The following GLRA1 variants were observed in gnomAD, a reference collection of about 807,000 sequenced individuals.
The protein encoded by GLRA1 is glycine receptor alpha 1.
GLRA1 carries 37 observed loss-of-function variants against 48.3 expected under a neutral mutation model. The observed-to-expected ratio is 0.77, with a 90% CI of 0.59 to 1.01. The LOEUF (loss-of-function observed/expected upper bound fraction) is 1.01. Among genes scored for constraint, GLRA1 ranks in the 50% least tolerant of loss-of-function variants. The pLI is 0.00. For synonymous variants in GLRA1, 196 were observed against 210.7 expected (o/e 0.93, Z 0.60); for missense variants, 427 against 571.0 (o/e 0.75, Z 2.57).
At chr5:151,856,535 G>A (rs1753048701) in intron 4 of GLRA1, 152 bp from the exon 5 acceptor site, 1 of 619,218 alleles carries the variant, frequency 1.6e-6, no homozygotes, top group Non-Finnish European at 3.1e-6. Flanking sequence ...ATTTATTTTT[G>A]AGAGATGAGA....
rs573562475 is a variant in GLRA1 at position 151,838,471 on chromosome 5, A to G, written c.913-9404T>C. On this transcript the variant is annotated intron_variant, in intron 7 of 8. Transcript: ENST00000274576. ...GCAACAGAGTGAGAGTCCTTCTCAA[A>G]AAAAGAAATGATAAAGAAGAACCAA... Among the ~76,000 whole-genome samples the G allele has an allele frequency of 3.3e-5, 5 of 152,318 alleles. No individual in the cohort carries two copies. The East Asian group carries it at 9.6e-4, about 29-fold the overall frequency.
chr5:151,917,560 C>A (rs1315661230), intron 1 of GLRA1, among the ~76,000 whole-genome samples: 2 of 152,174 alleles, frequency 1.3e-5, no homozygotes, highest in African/African-American at 4.8e-5. Flanking sequence ...CATAAACTAT[C>A]AATCACCCCC....
intron 6 of GLRA1, among the ~76,000 whole-genome samples, chr5:151,851,992 C>T (rs1032160160): frequency 5.3e-5 from 8 of 152,126 alleles, no homozygotes; most frequent in African/African-American, 1.9e-4. Flanking sequence ...TACCTTTCTG[C>T]CAGTTATCTT....
At chr5:151,899,053 G>C (rs1330566651) in intron 1 of GLRA1, among the ~76,000 whole-genome samples, 1 of 152,136 alleles carries the variant, frequency 6.6e-6, no homozygotes, top group African/African-American at 2.4e-5. Context: ...GGAGAGAAGA[G>C]AATGGGAAAT....
chr5:151,882,527 A>T (rs991456450), intron 3 of GLRA1, among the ~76,000 whole-genome samples: 2 of 152,228 alleles, frequency 1.3e-5, no homozygotes, highest in African/African-American at 4.8e-5. Context: ...AGAGTCGTCC[A>T]AAAGTTTTGG....
At chr5:151,871,605 G>C (rs1475938164) in intron 3 of GLRA1, among the ~76,000 whole-genome samples, 2 of 147,122 alleles carry the variant, frequency 1.4e-5, no homozygotes, top group African/African-American at 5.3e-5. Context: ...CTGTCGCCCA[G>C]GCTGGAGTGC....
chr5:151,830,229 T>G (rs1174247248), intron 7 of GLRA1, among the ~76,000 whole-genome samples: 2 of 152,372 alleles, frequency 1.3e-5, no homozygotes, highest in Non-Finnish European at 2.9e-5. Context: ...TCATTTGATA[T>G]ATCTCATGGT....
intron 3 of GLRA1, among the ~76,000 whole-genome samples, chr5:151,867,532 G>A (rs1753368327): frequency 6.6e-6 from 1 of 152,160 alleles, no homozygotes; most frequent in Non-Finnish European, 1.5e-5. Flanking sequence ...ACCATTAGCA[G>A]CATAAATAAT....
chr5:151,889,862 C>CAG (rs1420933128), intron 2 of GLRA1, among the ~76,000 whole-genome samples: 2 of 152,074 alleles, frequency 1.3e-5, no homozygotes, highest in African/African-American at 4.8e-5. Context: ...GAAAACTTCT[C>CAG]AGCTCCTGCG....
At chr5:151,855,923 C>T (rs1024963164) in intron 5 of GLRA1, among the ~76,000 whole-genome samples, 1 of 152,228 alleles carries the variant, frequency 6.6e-6, no homozygotes, top group African/African-American at 2.4e-5. Context: ...TAACAACACA[C>T]CAATCACTTG....
intron 3 of GLRA1, among the ~76,000 whole-genome samples, chr5:151,865,907 T>C (rs1290128849): frequency 6.6e-6 from 1 of 152,178 alleles, no homozygotes; most frequent in Admixed American, 6.5e-5. Context: ...CAGTGAGAAA[T>C]GCAGTTCAGA....
intron 7 of GLRA1, among the ~76,000 whole-genome samples, chr5:151,843,256 A>ATTTTTTT (rs34491994): frequency 1.7e-5 from 2 of 120,770 alleles, no homozygotes; most frequent in African/African-American, 3.0e-5. Context: ...CTGCTTCTAA[A>ATTTTTTT]TTTTTTTTTT....
chr5:151,848,961 T>C, intron 7 of GLRA1: 1 of 717,368 alleles, frequency 1.4e-6, no homozygotes, highest in South Asian at 1.4e-5. Flanking sequence ...GGTGAGAAAG[T>C]CCAGGCCATG....
Position 151,904,206 on chromosome 5 carries a change from G to A in GLRA1, c.57-11768C>T, listed in dbSNP as rs535248454. ...AGGATAAAGGAGCTCTAGGGTCGTT[G>A]CTGAGGTTTTCTTCTCTTCTTGGGA... On this transcript the variant is annotated intron_variant, in intron 1 of 8. Transcript: ENST00000274576. 5.3e-5 allele frequency among the ~76,000 whole-genome samples: 8 copies of A among 152,314 alleles called. 2 individuals carry two copies. The highest frequency in any genetic ancestry group is 1.9e-4 in the African/African-American group (8 of 41,566).
chr5:151,920,095 G>A (rs1581669093), intron 1 of GLRA1, among the ~76,000 whole-genome samples: 1 of 152,242 alleles, frequency 6.6e-6, no homozygotes, highest in Admixed American at 6.5e-5. Context: ...AGAGTGTTTA[G>A]TTTTAGACTG....
At chr5:151,824,002 A>G (rs1763211779) in intron 8 of GLRA1, among the ~76,000 whole-genome samples, 3 of 151,156 alleles carry the variant, frequency 2.0e-5, no homozygotes, top group Non-Finnish European at 4.4e-5. Flanking sequence ...GGGAAGTTTT[A>G]TCAGCTCACA....
intron 3 of GLRA1, among the ~76,000 whole-genome samples, chr5:151,886,393 C>T (rs1408935206): frequency 2.0e-5 from 3 of 152,182 alleles, no homozygotes; most frequent in African/African-American, 7.2e-5. Context: ...TTCTGCCATT[C>T]TGCAGTTGAA....
rs1421228467 is a variant in GLRA1 at position 151,822,931 on chromosome 5, G to A, written c.1092C>T (p.Phe364=). The A allele has an allele frequency of 6.2e-7, 1 of 1,611,308 alleles. No homozygotes were observed. Among genetic ancestry groups the A allele is most frequent in the East Asian group, 2.2e-5 (1 of 44,820 alleles). ...EDEAGEGRFN[F]SAYGMGPACL... is the part of the protein sequence containing the mutation. ...AGGCTGGGCCCATCCCATAGGCAGA[G>A]AAGTTAAAGCGGCCTTCTCCAGCTT... is the stretch of plus-strand genomic sequence containing the variant. Residue 364 remains phenylalanine (F), a synonymous_variant, in exon 9 of 9, where the codon TTC becomes TTT. Coordinates refer to ENST00000274576, the MANE Select transcript of GLRA1 (RefSeq NM_000171.4).
At chr5:151,866,436 T>A (rs765177699) in intron 3 of GLRA1, among the ~76,000 whole-genome samples, 3 of 152,114 alleles carry the variant, frequency 2.0e-5, no homozygotes, top group African/African-American at 7.2e-5. Context: ...AGTATTGTGA[T>A]GAAGTAGGAA....
Sources: allele counts gnomAD v4.1 joint callset (sites outside exome capture counted in the v4.1 genomes callset), GRCh38; gene constraint gnomAD v4.1.1; transcripts MANE v1.5; gene names NCBI Gene and HGNC (gene_info 2026-07-23, HGNC 2026-07-21).